ARNT2: variants seen among roughly 807,000 people sequenced by gnomAD.
ARNT2 encodes aryl hydrocarbon receptor nuclear translocator 2, also known as ARNT protein 2.
In ARNT2, 36 loss-of-function variants were observed where a neutral mutation model predicts 91.7. The observed-to-expected ratio is 0.39, with a 90% confidence interval of 0.30 to 0.52. The LOEUF (loss-of-function observed/expected upper bound fraction) is 0.52, where lower values mean the gene tolerates loss of function less well. Ranked by LOEUF, ARNT2 falls within the 20% of genes least tolerant of loss-of-function variation. ARNT2 has a pLI of 0.72. For synonymous variants in ARNT2, 365 were observed against 347.1 expected, an observed-to-expected ratio of 1.05 and a Z score of -0.57; for missense variants, 775 against 939.3, an observed-to-expected ratio of 0.83 and a Z score of 2.29.
At chr15:80,408,525 A>G (rs1489633227) in intron 1 of ARNT2, among the ~76,000 whole-genome samples, 1 of 152,230 alleles carries the variant, frequency 6.6e-6, no homozygotes, top group Middle Eastern at 3.2e-3. Flanking sequence ...AAAATATGGA[A>G]TACTGTCAAG....
rs183870307 is a variant in ARNT2 at position 80,519,773 on chromosome 15, C to T, written c.877+5368C>T. 1.3e-3 allele frequency among the ~76,000 whole-genome samples: 190 copies of T among 149,468 alleles called. 1 individual carries two copies. Among genetic ancestry groups the T allele is most frequent in the African/African-American group, 4.6e-3 (187 of 40,460 alleles). On this transcript the variant is annotated intron_variant, in intron 8 of 18. Transcript: ENST00000303329. ...CAATCTCTGGTCACTGCAAGCTCTG[C>T]CTCCTGGGTTCACGCCATTCTCCTG...
Position 80,492,979 on chromosome 15 carries a change from C to T in ARNT2, c.623-15177C>T, listed in dbSNP as rs9806233. Among the ~76,000 whole-genome samples, 953 of 152,292 alleles carry T rather than the reference C, an allele frequency of 6.3e-3. 10 individuals are homozygous for T. Among genetic ancestry groups the T allele is most frequent in the African/African-American group, 0.022 (924 of 41,552 alleles). ...TTACTGCTGCTATAACAGAATACCA[C>T]AGACTGATTAATTTATAATGAACAG... On this transcript the variant is annotated intron_variant, in intron 5 of 18. Transcript: ENST00000303329.
intron 6 of ARNT2, among the ~76,000 whole-genome samples, chr15:80,510,834 A>G (rs908578009): frequency 6.6e-6 from 1 of 152,116 alleles, no homozygotes; most frequent in African/African-American, 2.4e-5. Flanking sequence ...CTCAAAAATA[A>G]ATAAATAAAT....
chr15:80,519,040 C>T (rs1897488925), intron 8 of ARNT2, among the ~76,000 whole-genome samples: 1 of 152,108 alleles, frequency 6.6e-6, no homozygotes, highest in Non-Finnish European at 1.5e-5. Context: ...ATTAATAATA[C>T]ATTCATATAG....
intron 1 of ARNT2, among the ~76,000 whole-genome samples, chr15:80,431,942 G>A (rs922287582): frequency 6.6e-6 from 1 of 152,186 alleles, no homozygotes; most frequent in Admixed American, 6.5e-5. Flanking sequence ...CGGCCATTCT[G>A]GGGTCGCTGC....
intron 1 of ARNT2, among the ~76,000 whole-genome samples, chr15:80,409,344 A>G (rs747378165): frequency 6.6e-6 from 1 of 151,712 alleles, no homozygotes; most frequent in Non-Finnish European, 1.5e-5. Flanking sequence ...AGCCTTTTCA[A>G]ACTGGCATTT....
intron 12 of ARNT2, among the ~76,000 whole-genome samples, chr15:80,566,004 G>T (rs1430900727): frequency 6.6e-6 from 1 of 152,124 alleles, no homozygotes; most frequent in East Asian, 1.9e-4. Context: ...ATGACAGAAC[G>T]TACTGGCCCA....
chr15:80,465,158 A>G (rs1442560119), intron 3 of ARNT2, among the ~76,000 whole-genome samples: 2 of 152,222 alleles, frequency 1.3e-5, no homozygotes, highest in Non-Finnish European at 2.9e-5. Context: ...AGCCATGCAC[A>G]GTTTGGTGAA....
rs547105809 is a variant in ARNT2, at chr15:80,470,315, C to T, written c.292C>T (p.Arg98Trp). 3 of 1,614,050 alleles carry T rather than the reference C, an allele frequency of 1.9e-6. No individual in the cohort carries two copies. The highest frequency in any genetic ancestry group is 1.3e-5 in the African/African-American group (1 of 74,910). ...GGTCCCCACATGCAGCGCACTGGCTCGGAAGCCAGACAAGCTCACCATCCT... is the reference window on the plus strand; with the variant it reads ...GGTCCCCACATGCAGCGCACTGGCTTGGAAGCCAGACAAGCTCACCATCCT... Reference protein sequence around the residue: ...DMVPTCSALARKPDKLTILRM... With the variant: ...DMVPTCSALAWKPDKLTILRM... The change falls in exon 4 of 19, where the codon CGG (arginine) becomes TGG (tryptophan). Residue 98 changes from arginine to tryptophan, a missense_variant. By Grantham distance (101) the Arg-to-Trp change is moderately radical (BLOSUM62 -3). Coordinates refer to ENST00000303329, the MANE Select transcript of ARNT2 (RefSeq NM_014862.4).
chr15:80,494,359 GAA>G (rs1314041566), intron 5 of ARNT2, among the ~76,000 whole-genome samples: 8 of 152,076 alleles, frequency 5.3e-5, no homozygotes, highest in Non-Finnish European at 1.2e-4. Flanking sequence ...TTGCCTTCTT[GAA>G]CTCCATGTCA....
At chr15:80,545,665 A>G (rs997037472) in intron 8 of ARNT2, among the ~76,000 whole-genome samples, 2 of 152,226 alleles carry the variant, frequency 1.3e-5, no homozygotes, top group African/African-American at 4.8e-5. Flanking sequence ...AGTCACTAAT[A>G]CATAACAGAA....
At chr15:80,420,652 A>G (rs1466936281) in intron 1 of ARNT2, among the ~76,000 whole-genome samples, 1 of 151,888 alleles carries the variant, frequency 6.6e-6, no homozygotes, top group African/African-American at 2.4e-5. Context: ...AAAAAGAATT[A>G]TATGTGAATA....
chr15:80,453,860 C>G (rs1485546146), intron 2 of ARNT2, among the ~76,000 whole-genome samples: 1 of 152,148 alleles, frequency 6.6e-6, no homozygotes, highest in Non-Finnish European at 1.5e-5. Context: ...TCCCACACCC[C>G]CATTCCTTGC....
intron 1 of ARNT2, among the ~76,000 whole-genome samples, chr15:80,409,294 C>T (rs377610196): frequency 6.6e-6 from 1 of 152,314 alleles, no homozygotes; most frequent in South Asian, 2.1e-4. Context: ...ATAGTTTTGC[C>T]TTTTCCAGAA....
At chr15:80,576,380 G>A (rs972540215) in intron 14 of ARNT2, among the ~76,000 whole-genome samples, 1 of 152,054 alleles carries the variant, frequency 6.6e-6, no homozygotes, top group African/African-American at 2.4e-5. Flanking sequence ...GGGCTCAAGC[G>A]ATTCTCCTGC....
chr15:80,522,152 ATACT>A (rs1275932584), intron 8 of ARNT2, among the ~76,000 whole-genome samples: 37 of 152,198 alleles, frequency 2.4e-4, no homozygotes, highest in Non-Finnish European at 8.8e-5. Context: ...ATAATAATAA[ATACT>A]TACTGAAGGC....
chr15:80,544,934 G>A (rs530100781), intron 8 of ARNT2, among the ~76,000 whole-genome samples: 1 of 152,284 alleles, frequency 6.6e-6, no homozygotes, highest in Admixed American at 6.5e-5. Flanking sequence ...ACCAGCAGGC[G>A]AAATCTTCAA....
chr15:80,548,271 T>C (rs1340714545), intron 8 of ARNT2, among the ~76,000 whole-genome samples: 2 of 152,174 alleles, frequency 1.3e-5, no homozygotes, highest in Non-Finnish European at 1.5e-5. Context: ...AATTGAGGGA[T>C]AATTACTTAA....
chr15:80,452,154 TTA>T (rs1896403065), intron 2 of ARNT2, among the ~76,000 whole-genome samples: 1 of 152,142 alleles, frequency 6.6e-6, no homozygotes, highest in Non-Finnish European at 1.5e-5. Context: ...AAAAAGACTG[TTA>T]TGTGTGTTGT....
Sources: allele counts gnomAD v4.1 joint callset (sites outside exome capture counted in the v4.1 genomes callset), GRCh38; gene constraint gnomAD v4.1.1; transcripts MANE v1.5; gene names NCBI Gene and HGNC (gene_info 2026-07-23, HGNC 2026-07-21).